Variants in DYNC1I1 observed in about 807,000 individuals in gnomAD.
DYNC1I1 encodes the protein cytoplasmic dynein 1 intermediate chain 1.
A neutral mutation model predicts 86.6 loss-of-function variants in DYNC1I1; 43 were observed. The observed-to-expected ratio is 0.50, with a 90% confidence interval of 0.39 to 0.64. The LOEUF (loss-of-function observed/expected upper bound fraction) is 0.64. Among genes scored for constraint, DYNC1I1 ranks in the 30% least tolerant of loss-of-function variants. DYNC1I1 has a pLI of 0.00. For missense variants in DYNC1I1, 604 were observed against 788.8 expected, an observed-to-expected ratio of 0.77 and a Z score of 2.81; for synonymous variants, 262 against 283.7, an observed-to-expected ratio of 0.92 and a Z score of 0.77.
In DYNC1I1 at chr7:96,076,217, C is replaced by T. The variant is rs776787426; in HGVS notation, c.1650+20C>T. ...ACCGAGGTGAGCGGCGGCTCAGGCG[C>T]CCGGGCCGGAGGGCTGGGAGGGGGG... On this transcript the variant is annotated intron_variant, in intron 15 of 16. Coordinates refer to ENST00000447467, the MANE Select transcript of DYNC1I1 (RefSeq NM_001135556.2). 9.3e-6 allele frequency: 15 copies of T among 1,612,848 alleles called. No homozygotes were observed. In the Admixed American group the frequency reaches 1.8e-4, roughly 20 times the overall value.
Position 95,842,470 on chromosome 7 carries a change from C to T in DYNC1I1, c.374+14354C>T, listed in dbSNP as rs139700520. ...GGGGCTTTGGGCATTATCAATCAGA[C>T]GAATTCTTGGGGACTGCAGATATAG... On this transcript the variant is annotated intron_variant, in intron 5 of 16. Transcript: ENST00000447467. Among the ~76,000 whole-genome samples the T allele has an allele frequency of 2.6e-3, 390 of 152,242 alleles. 1 individual carries two copies. The highest frequency in any genetic ancestry group is 3.1e-3 in the Non-Finnish European group (214 of 68,030).
chr7:95,999,585 G>C (rs1276243862), intron 10 of DYNC1I1, among the ~76,000 whole-genome samples: 2 of 152,102 alleles, frequency 1.3e-5, no homozygotes, highest in African/African-American at 4.8e-5. Context: ...TGCTGCACAC[G>C]GCCTCAGCTG....
intron 16 of DYNC1I1, among the ~76,000 whole-genome samples, chr7:96,094,610 T>C (rs1259785904): frequency 2.6e-5 from 4 of 152,220 alleles, no homozygotes; most frequent in African/African-American, 9.6e-5. Flanking sequence ...ACTTTGGGTG[T>C]AGAAACAGCC....
chr7:95,827,575 A>G (rs1027948710), intron 4 of DYNC1I1, among the ~76,000 whole-genome samples: 1 of 152,206 alleles, frequency 6.6e-6, no homozygotes, highest in Non-Finnish European at 1.5e-5. Flanking sequence ...TTATATTTGT[A>G]GTACCTGATC....
chr7:95,854,622 AC>A (rs1325153852), intron 5 of DYNC1I1, among the ~76,000 whole-genome samples: 1 of 152,134 alleles, frequency 6.6e-6, no homozygotes, highest in Non-Finnish European at 1.5e-5. Flanking sequence ...CACTTAACTC[AC>A]TTTTAACAGT....
intron 6 of DYNC1I1, among the ~76,000 whole-genome samples, chr7:95,874,635 T>G (rs1372410067): frequency 1.3e-5 from 1 of 79,694 alleles, no homozygotes; most frequent in Non-Finnish European, 2.5e-5. Context: ...GGTGGCCTTA[T>G]TAGAAAAAGA....
intron 12 of DYNC1I1, among the ~76,000 whole-genome samples, chr7:96,033,643 C>T (rs938105582): frequency 3.9e-5 from 6 of 152,114 alleles, no homozygotes; most frequent in Non-Finnish European, 8.8e-5. Context: ...TGTTAACATT[C>T]CCATATTCTT....
At chr7:95,828,007 C>T in intron 4 of DYNC1I1, 50 bp from the exon 5 acceptor site, 1 of 1,603,766 alleles carries the variant, frequency 6.2e-7, no homozygotes. Context: ...TTGTTGCCCT[C>T]CCCTTTTGTT....
intron 6 of DYNC1I1, among the ~76,000 whole-genome samples, chr7:95,920,069 C>G (rs1363621676): frequency 6.6e-6 from 1 of 152,160 alleles, no homozygotes; most frequent in Non-Finnish European, 1.5e-5. Flanking sequence ...CATAGCAACT[C>G]CTTTCCAAGG....
chr7:96,106,054 A>G (rs187275612), intron 16 of DYNC1I1, among the ~76,000 whole-genome samples: 88 of 152,262 alleles, frequency 5.8e-4, no homozygotes, highest in African/African-American at 2.1e-3. Flanking sequence ...AGGTCTTGCT[A>G]GGAGAGTTAT....
At chr7:95,931,517 T>TC (rs11442344) in intron 6 of DYNC1I1, among the ~76,000 whole-genome samples, 122,080 of 152,146 alleles carry the variant, frequency 0.8, 49,227 homozygotes, top group East Asian at 0.93. Flanking sequence ...TTGACTTATT[T>TC]TCATCAGTTC....
chr7:95,818,267 A>G (rs565354923), intron 4 of DYNC1I1, among the ~76,000 whole-genome samples: 5 of 150,728 alleles, frequency 3.3e-5, no homozygotes, highest in South Asian at 2.1e-4. Flanking sequence ...TTTCCAATCA[A>G]TCAAGACATT....
intron 1 of DYNC1I1, among the ~76,000 whole-genome samples, chr7:95,775,424 G>A (rs1793816084): frequency 6.6e-6 from 1 of 152,148 alleles, no homozygotes. Flanking sequence ...AATGGCAGAG[G>A]TAGGATTCAA....
chr7:95,896,899 C>T lies in DYNC1I1; in HGVS notation c.490+26901C>T, dbSNP rs768310215. 3.9e-5 allele frequency among the ~76,000 whole-genome samples: 6 copies of T among 152,258 alleles called. No homozygotes were observed. In the East Asian group the frequency reaches 9.6e-4, roughly 24 times the overall value. ...AGGGCATGTTTTTAAATTTCTAAAA[C>T]CCCAAATATGTCAAATGTTAGTAAA... On this transcript the variant is annotated intron_variant, in intron 6 of 16. Coordinates refer to ENST00000447467, the MANE Select transcript of DYNC1I1 (RefSeq NM_001135556.2).
At chr7:95,986,945 A>G (rs1052810109) in intron 8 of DYNC1I1, 111 bp from the exon 9 acceptor site, 65 of 863,734 alleles carry the variant, frequency 7.5e-5, no homozygotes, top group Admixed American at 1.4e-4. Context: ...CTAGATTAAC[A>G]TTTTGGCCTC....
At chr7:95,956,624 C>A (rs1439732773) in intron 6 of DYNC1I1, among the ~76,000 whole-genome samples, 3 of 151,916 alleles carry the variant, frequency 2.0e-5, no homozygotes, top group Admixed American at 6.6e-5. Flanking sequence ...TGAGTGAGAA[C>A]ATGCAGTGTT....
intron 14 of DYNC1I1, among the ~76,000 whole-genome samples, chr7:96,042,704 G>T (rs923475650): frequency 4.6e-5 from 7 of 152,058 alleles, no homozygotes; most frequent in Non-Finnish European, 1.0e-4. Flanking sequence ...AACCTCTTTG[G>T]CCACCTATGG....
At chr7:95,836,206 G>A (rs1205950555) in intron 5 of DYNC1I1, among the ~76,000 whole-genome samples, 2 of 151,988 alleles carry the variant, frequency 1.3e-5, no homozygotes, top group Non-Finnish European at 2.9e-5. Context: ...TGTCTGTAAA[G>A]TATTTTATTT....
At chr7:95,786,071 T>C (rs1794137510) in intron 1 of DYNC1I1, among the ~76,000 whole-genome samples, 1 of 152,038 alleles carries the variant, frequency 6.6e-6, no homozygotes, top group Non-Finnish European at 1.5e-5. Context: ...TTGATATTTT[T>C]TCAAGACTCT....
Sources: gnomAD v4.1 joint callset for allele counts (sites outside exome capture counted in the v4.1 genomes callset) on GRCh38, gnomAD v4.1.1 for gene constraint, MANE v1.5 for transcripts, NCBI Gene and HGNC (gene_info 2026-07-23, HGNC 2026-07-21) for gene names.